Variants in CHST15 observed in about 807,000 individuals in gnomAD.
The protein encoded by CHST15 is carbohydrate sulfotransferase 15.
Under a neutral mutation model 53.6 loss-of-function variants are expected in CHST15, and 30 were observed. The observed-to-expected ratio is 0.56, with a 90% CI of 0.42 to 0.76. The LOEUF is 0.76. Among genes scored for constraint, CHST15 ranks in the 30% least tolerant of loss-of-function variants. The pLI is 0.00. For missense variants in CHST15, 627 were observed against 740.5 expected (o/e 0.85, Z 1.78); for synonymous variants, 296 against 289.8 (o/e 1.02, Z -0.22).
At chr10:124,068,098 C>A (rs1312479772) in intron 1 of CHST15, among the ~76,000 whole-genome samples, 1 of 152,132 alleles carries the variant, frequency 6.6e-6, no homozygotes, top group Non-Finnish European at 1.5e-5. Flanking sequence ...TGAGTATATG[C>A]CTAATTCCCG....
At chr10:124,064,764 A>G (rs1333648671) in intron 1 of CHST15, among the ~76,000 whole-genome samples, 1 of 146,916 alleles carries the variant, frequency 6.8e-6, no homozygotes, top group Non-Finnish European at 1.5e-5. Context: ...CCCCAACACC[A>G]CTGGCCCTGC....
intron 1 of CHST15, among the ~76,000 whole-genome samples, chr10:124,082,902 G>C (rs963879568): frequency 6.6e-6 from 1 of 152,202 alleles, no homozygotes; most frequent in Non-Finnish European, 1.5e-5. Context: ...TAGATTTGTG[G>C]TTGCTCAAGG....
chr10:124,031,504 T>G (rs1222340031), intron 5 of CHST15, among the ~76,000 whole-genome samples: 2 of 152,136 alleles, frequency 1.3e-5, no homozygotes, highest in Non-Finnish European at 2.9e-5. Flanking sequence ...AGTTGTAACA[T>G]AAGAGTTAGA....
At chr10:124,035,307 G>A (rs1277348494) in intron 5 of CHST15, among the ~76,000 whole-genome samples, 8 of 126,148 alleles carry the variant, frequency 6.3e-5, no homozygotes, top group East Asian at 2.5e-4. Flanking sequence ...TAGGTACCCC[G>A]GCTCCACCCA....
intron 1 of CHST15, among the ~76,000 whole-genome samples, chr10:124,070,258 G>A (rs578098222): frequency 2.0e-4 from 30 of 152,346 alleles, no homozygotes; most frequent in Admixed American, 1.8e-3. Context: ...TCTCTCCCAA[G>A]GGAAATGCAT....
intron 1 of CHST15, among the ~76,000 whole-genome samples, chr10:124,091,313 C>T (rs989395773): frequency 2.6e-5 from 4 of 152,138 alleles, no homozygotes; most frequent in African/African-American, 7.2e-5. Flanking sequence ...AGGGAGGGTT[C>T]CTGATTTTGC....
chr10:124,055,753 C>T lies in CHST15; in HGVS notation c.-512-9029G>A, dbSNP rs116491570. Among the ~76,000 whole-genome samples the T allele has an allele frequency of 3.2e-3, 481 of 152,202 alleles. 1 individual carries two copies. The highest frequency in any genetic ancestry group is 0.011 in the African/African-American group (470 of 41,476). The stretch of plus-strand genomic sequence containing the variant: ...CTCATCCAGAACTTGTTTCAGTGCT[C>T]AACAACAAGGGCCAACTTTCCAGAA... On this transcript the variant is annotated intron_variant, in intron 1 of 7. Transcript: ENST00000435907.
intron 6 of CHST15, among the ~76,000 whole-genome samples, chr10:124,016,176 G>A (rs143759985): frequency 6.6e-6 from 1 of 152,100 alleles, no homozygotes; most frequent in Non-Finnish European, 1.5e-5. Flanking sequence ...GAACAGTGGC[G>A]GGGGCTGGCC....
intron 5 of CHST15, among the ~76,000 whole-genome samples, chr10:124,022,302 C>G (rs998947063): frequency 6.6e-6 from 1 of 152,238 alleles, no homozygotes; most frequent in Non-Finnish European, 1.5e-5. Context: ...GAACTGAACT[C>G]GGAATGGGCC....
At chr10:124,086,901 C>G (rs1204286486) in intron 1 of CHST15, among the ~76,000 whole-genome samples, 1 of 152,190 alleles carries the variant, frequency 6.6e-6, no homozygotes, top group Non-Finnish European at 1.5e-5. Context: ...GAACTTGAAC[C>G]TGAGTCAGCG....
At chr10:124,020,971 T>TAAAAAAA in intron 6 of CHST15, 1 of 1,401,026 alleles carries the variant, frequency 7.1e-7, no homozygotes. Flanking sequence ...TTGCTGGGTG[T>TAAAAAAA]CTTGCTAAAT....
rs1590264304 is a variant in CHST15, at chr10:124,046,148, T to C, written c.65A>G (p.Asn22Ser). The C allele has an allele frequency of 3.7e-6, 6 of 1,614,146 alleles. No individual in the cohort carries two copies. Among genetic ancestry groups the C allele is most frequent in the South Asian group, 1.1e-5 (1 of 91,076 alleles). ...ACCGTGATGGGGGCCCCCTTGGCAG[T>C]TGACCTGCTGCTTGTGTGCGCCGTC... ...LPDGAHKQQV[N>S]CQGGPHHGHQ... is the part of the protein sequence containing the mutation. Residue 22 changes from asparagine to serine, a missense_variant, in exon 2 of 8, where the codon AAC becomes AGC. Physicochemically the swap from Asn to Ser is conservative, Grantham distance 46. Transcript: ENST00000435907.
chr10:124,042,134 T>C (rs1947762882), intron 4 of CHST15, among the ~76,000 whole-genome samples, 167 bp downstream of exon 4: 1 of 152,220 alleles, frequency 6.6e-6, no homozygotes, highest in Non-Finnish European at 1.5e-5. Context: ...GTGAACATTT[T>C]ATGTAGTGGT....
Position 124,010,237 on chromosome 10 carries a change from T to C in CHST15, c.1598A>G (p.Gln533Arg), listed in dbSNP as rs762098557. Residue 533 changes from glutamine (Q) to arginine (R), a missense_variant, in exon 8 of 8, where the codon CAG becomes CGG. Transcript: ENST00000435907. ...RNLGPMWPIT[Q>R]KILRDFYRPF... is the part of the protein sequence containing the mutation. ...CCTGTAGAAATCCCGCAGAATCTTC[T>C]GTGTGATGGGCCACATGGGCCCCAG... The C allele has an allele frequency of 6.2e-6, 10 of 1,614,022 alleles. No homozygotes were observed. In the African/African-American group the frequency reaches 1.3e-4, roughly 22 times the overall value.
intron 1 of CHST15, among the ~76,000 whole-genome samples, chr10:124,092,018 G>C (rs1367591289): frequency 2.0e-5 from 3 of 151,530 alleles, no homozygotes; most frequent in Non-Finnish European, 4.4e-5. Context: ...GCACACACTC[G>C]CGCGCACGCC....
chr10:124,034,872 T>TCATC (rs1947390172), intron 5 of CHST15, among the ~76,000 whole-genome samples: 3 of 45,690 alleles, frequency 6.6e-5, no homozygotes, highest in Admixed American at 2.5e-4. Flanking sequence ...CTGGCTCTAC[T>TCATC]CCCTAACAGG....
rs576604365 is a variant in CHST15, at chr10:124,012,367, G to A, written c.1461C>T (p.Tyr487=). Residue 487 remains tyrosine, a synonymous_variant, in exon 7 of 8, where the codon TAC becomes TAT. Transcript: ENST00000435907. ...RLEDHASNVK[Y]TMHKVFQFLN... is the part of the protein sequence containing the mutation. Reference sequence around the variant, plus strand: ...GAAACTGGAAGACCTTGTGCATGGTGTACTTGACGTTGGATGCATGATCTT... The same window carrying A: ...GAAACTGGAAGACCTTGTGCATGGTATACTTGACGTTGGATGCATGATCTT... 1.9e-6 allele frequency: 3 copies of A among 1,614,088 alleles called. No homozygotes were observed. The South Asian group carries it at 3.3e-5, about 18-fold the overall frequency.
intron 1 of CHST15, among the ~76,000 whole-genome samples, chr10:124,055,776 GA>G (rs1453666620): frequency 6.6e-6 from 1 of 152,204 alleles, no homozygotes; most frequent in African/African-American, 2.4e-5. Context: ...CAACTTTCCA[GA>G]AACGCACCCA....
intron 1 of CHST15, among the ~76,000 whole-genome samples, chr10:124,077,049 C>T (rs888281952): frequency 2.6e-5 from 4 of 152,210 alleles, no homozygotes; most frequent in South Asian, 2.1e-4. Flanking sequence ...TGTTGCACTG[C>T]GTCTTGCAAA....
Sources: gnomAD v4.1 joint callset for allele counts (sites outside exome capture counted in the v4.1 genomes callset) on GRCh38, gnomAD v4.1.1 for gene constraint, MANE v1.5 for transcripts, NCBI Gene and HGNC (gene_info 2026-07-23, HGNC 2026-07-21) for gene names.